DOCK3: variants seen among roughly 807,000 people sequenced by gnomAD.
DOCK3 encodes the protein dedicator of cytokinesis protein 3.
In DOCK3, 60 loss-of-function variants were observed where a neutral mutation model predicts 265.6. The ratio of observed to expected loss-of-function variants is 0.23; its 90% confidence interval spans 0.18 to 0.28. The LOEUF (loss-of-function observed/expected upper bound fraction) is 0.28, where lower values mean the gene tolerates loss of function less well. DOCK3 is among the 10% of genes least tolerant of loss of function. The pLI is 1.00. For missense variants in DOCK3, 1,981 were observed against 2,594.3 expected (o/e 0.76, Z 5.14); for synonymous variants, 881 against 938.0 (o/e 0.94, Z 1.11).
intron 1 of DOCK3, among the ~76,000 whole-genome samples, chr3:50,755,354 T>C (rs1448903816): frequency 6.6e-6 from 1 of 152,224 alleles, no homozygotes; most frequent in African/African-American, 2.4e-5. Context: ...ACTGAACCTT[T>C]TTCTGCTCCA....
chr3:51,046,146 A>T (rs2080769505), intron 5 of DOCK3, among the ~76,000 whole-genome samples: 1 of 152,216 alleles, frequency 6.6e-6, no homozygotes, highest in African/African-American at 2.4e-5. Context: ...ACAAAAAATC[A>T]TTAAATCACA....
intron 17 of DOCK3, among the ~76,000 whole-genome samples, chr3:51,228,402 G>A (rs2090418072): frequency 6.6e-6 from 1 of 152,208 alleles, no homozygotes; most frequent in African/African-American, 2.4e-5. Flanking sequence ...TCATGGTACT[G>A]TCAACTGTCA....
intron 12 of DOCK3, among the ~76,000 whole-genome samples, chr3:51,205,030 G>A (rs535884929): frequency 6.6e-6 from 1 of 152,096 alleles, no homozygotes; most frequent in Admixed American, 6.6e-5. Flanking sequence ...GTGGGGGTAG[G>A]GGGGAGGGAT....
chr3:50,822,968 TC>T (rs978868280), intron 2 of DOCK3, among the ~76,000 whole-genome samples: 5 of 152,196 alleles, frequency 3.3e-5, no homozygotes, highest in African/African-American at 1.2e-4. Context: ...TTCTGTTAGC[TC>T]TGGGAACTGA....
chr3:51,175,730 A>G (rs1576322959), intron 12 of DOCK3, among the ~76,000 whole-genome samples: 1 of 152,174 alleles, frequency 6.6e-6, no homozygotes, highest in South Asian at 2.1e-4. Flanking sequence ...AGGGGTATAG[A>G]TGGGAGTGGG....
chr3:50,968,061 A>G (rs994422040), intron 5 of DOCK3, among the ~76,000 whole-genome samples: 9 of 152,164 alleles, frequency 5.9e-5, no homozygotes, highest in African/African-American at 2.2e-4. Context: ...TAACCATTCT[A>G]ACTGAGGAGA....
intron 2 of DOCK3, among the ~76,000 whole-genome samples, chr3:50,794,822 G>GT (rs549702727): frequency 1.3e-4 from 20 of 152,120 alleles, no homozygotes; most frequent in Non-Finnish European, 2.5e-4. Context: ...GCTTTATAGT[G>GT]TTACTGGTCT....
intron 3 of DOCK3, among the ~76,000 whole-genome samples, chr3:50,842,673 G>A (rs568666770): frequency 6.6e-6 from 1 of 152,082 alleles, no homozygotes; most frequent in African/African-American, 2.4e-5. Flanking sequence ...AACAAAAGAG[G>A]ACTTCAGACA....
intron 9 of DOCK3, among the ~76,000 whole-genome samples, chr3:51,102,384 A>G (rs2083121341): frequency 6.6e-6 from 1 of 152,244 alleles, no homozygotes; most frequent in Non-Finnish European, 1.5e-5. Flanking sequence ...GGATTCTGTC[A>G]GCAAATCAAT....
intron 2 of DOCK3, among the ~76,000 whole-genome samples, chr3:50,796,064 G>A (rs13096268): frequency 0.094 from 14,138 of 149,982 alleles, 819 homozygotes; most frequent in Non-Finnish European, 0.12. Flanking sequence ...TTTTTCAGAC[G>A]GAGTCTGGCT....
chr3:50,719,434 T>C, intron 1 of DOCK3: 1 of 635,224 alleles, frequency 1.6e-6, no homozygotes, highest in Admixed American at 2.4e-5. Flanking sequence ...TCTCCTGAGC[T>C]ACGGAAGGAA....
At chr3:51,186,406 A>G (rs899403631) in intron 12 of DOCK3, among the ~76,000 whole-genome samples, 1 of 152,222 alleles carries the variant, frequency 6.6e-6, no homozygotes, top group Non-Finnish European at 1.5e-5. Flanking sequence ...ATTCAGTTTT[A>G]TAAGGGAAGC....
rs2087889928 is a variant in DOCK3 at position 51,374,006 on chromosome 3, A to C, written c.5294-463A>C. Among the ~76,000 whole-genome samples the C allele has an allele frequency of 1.3e-5, 2 of 152,196 alleles. No individual in the cohort carries two copies. ...GGAGAAGGTAAGTGCGTAAAGACAC[A>C]GTATGTCAAGTAATAACAGTGTGGC... On this transcript the variant is annotated intron_variant, in intron 49 of 52. Coordinates refer to ENST00000266037, the MANE Select transcript of DOCK3 (RefSeq NM_004947.5). This position sits in a 1 kb window ranked among gnomAD's most constrained non-coding sequence, Gnocchi z 4.8.
At chr3:51,171,969 G>A (rs2086702559) in intron 12 of DOCK3, among the ~76,000 whole-genome samples, 2 of 152,076 alleles carry the variant, frequency 1.3e-5, no homozygotes, top group African/African-American at 4.8e-5. Flanking sequence ...ATCTCTTCCT[G>A]TAGAACTATT....
intron 21 of DOCK3, among the ~76,000 whole-genome samples, chr3:51,245,424 A>T (rs991008067): frequency 2.2e-5 from 3 of 137,106 alleles, no homozygotes; most frequent in Admixed American, 8.0e-5. Flanking sequence ...GGAGTCTTGC[A>T]CTGTCGCCTG....
At chr3:51,015,262 G>A (rs768619568) in intron 5 of DOCK3, among the ~76,000 whole-genome samples, 2 of 152,012 alleles carry the variant, frequency 1.3e-5, no homozygotes, top group South Asian at 2.1e-4. Flanking sequence ...GATACCAGCC[G>A]TGAATCTGTT....
chr3:51,374,013 C>T lies in DOCK3; in HGVS notation c.5294-456C>T, dbSNP rs2087890682. Among the ~76,000 whole-genome samples the T allele has an allele frequency of 1.3e-5, 2 of 152,196 alleles. No homozygotes were observed. The highest frequency in any genetic ancestry group is 2.4e-5 in the African/African-American group (1 of 41,442). On this transcript the variant is annotated intron_variant, in intron 49 of 52. Transcript: ENST00000266037. The surrounding 1 kb of genome is among the most constrained non-coding windows in gnomAD (Gnocchi z 4.8). ...GTAAGTGCGTAAAGACACAGTATGT[C>T]AAGTAATAACAGTGTGGCTATGTTA... is the stretch of plus-strand genomic sequence containing the variant.
intron 2 of DOCK3, among the ~76,000 whole-genome samples, chr3:50,796,558 G>A (rs2042795638): frequency 6.7e-6 from 1 of 149,768 alleles, no homozygotes; most frequent in African/African-American, 2.5e-5. Flanking sequence ...GGCTGGTCTC[G>A]AACTCCCAAC....
At chr3:50,897,211 A>G (rs1454049876) in intron 4 of DOCK3, among the ~76,000 whole-genome samples, 1 of 152,016 alleles carries the variant, frequency 6.6e-6, no homozygotes, top group African/African-American at 2.4e-5. Context: ...ATCCCTTGTA[A>G]GTTGTATTCC....
Sources: allele counts gnomAD v4.1 joint callset (sites outside exome capture counted in the v4.1 genomes callset), GRCh38; gene constraint gnomAD v4.1.1; non-coding constraint Gnocchi (gnomAD v3.1); transcripts MANE v1.5; gene names NCBI Gene and HGNC (gene_info 2026-07-23, HGNC 2026-07-21).